The following PDE1C variants were observed in gnomAD, a reference collection of about 807,000 sequenced individuals.
PDE1C encodes the protein dual specificity calcium/calmodulin-dependent 3',5'-cyclic nucleotide phosphodiesterase 1C.
Under a neutral mutation model 93.1 loss-of-function variants are expected in PDE1C, and 62 were observed. That is an observed-to-expected ratio of 0.67 (90% CI 0.54 to 0.82). PDE1C has a LOEUF of 0.82. Among genes scored for constraint, PDE1C ranks in the 40% least tolerant of loss-of-function variants. PDE1C has a pLI of 0.00. For missense variants in PDE1C, 742 were observed against 884.6 expected (o/e 0.84, Z 2.04); for synonymous variants, 325 against 310.1 (o/e 1.05, Z -0.50).
chr7:32,306,804 A>G (rs1019593687), intron 1 of PDE1C, among the ~76,000 whole-genome samples: 10 of 152,326 alleles, frequency 6.6e-5, no homozygotes, highest in South Asian at 4.1e-4. Flanking sequence ...GGAAGCATAA[A>G]ACACATACAA....
chr7:31,806,944 C>A (rs534479848), intron 16 of PDE1C, among the ~76,000 whole-genome samples: 1 of 151,650 alleles, frequency 6.6e-6, no homozygotes, highest in African/African-American at 2.4e-5. Flanking sequence ...TACATATTTC[C>A]TTTTTAAATT....
intron 16 of PDE1C, among the ~76,000 whole-genome samples, chr7:31,796,303 ATGTG>A (rs1279378936): frequency 1.1e-4 from 16 of 151,530 alleles, no homozygotes; most frequent in Non-Finnish European, 1.9e-4. Context: ...GTACATATAT[ATGTG>A]TATGTGTACA....
chr7:31,620,857 G>GA, the PDE1C span, among the ~76,000 whole-genome samples: 1 of 152,008 alleles, frequency 6.6e-6, no homozygotes, highest in Non-Finnish European at 1.5e-5. Context: ...TAAAAACTTT[G>GA]AAAAAAATTT....
At chr7:32,322,526 C>T (rs150106943) in intron 1 of PDE1C, among the ~76,000 whole-genome samples, 6 of 152,276 alleles carry the variant, frequency 3.9e-5, no homozygotes, top group African/African-American at 7.2e-5. Context: ...ATCACTTGAG[C>T]CCAGGAGTTC....
At chr7:32,058,504 TTTTCAC>T (rs1794395054) in intron 1 of PDE1C, among the ~76,000 whole-genome samples, 1 of 152,148 alleles carries the variant, frequency 6.6e-6, no homozygotes, top group African/African-American at 2.4e-5. Context: ...CTGGTTTTGT[TTTTCAC>T]TGGCATGCAG....
chr7:32,309,841 C>A (rs1159104585), intron 1 of PDE1C, among the ~76,000 whole-genome samples: 3 of 152,192 alleles, frequency 2.0e-5, no homozygotes, highest in African/African-American at 7.2e-5. Context: ...ACTGGATCAA[C>A]TAACAAGCAA....
chr7:31,954,278 C>T (rs780411830), intron 2 of PDE1C, among the ~76,000 whole-genome samples: 1 of 152,164 alleles, frequency 6.6e-6, no homozygotes, highest in Non-Finnish European at 1.5e-5. Flanking sequence ...ATCCCATTCC[C>T]CGGCAGAAGG....
intron 11 of PDE1C, among the ~76,000 whole-genome samples, chr7:31,828,729 CTGTGGCCAT>C (rs1790004294): frequency 1.3e-5 from 2 of 152,272 alleles, no homozygotes; most frequent in South Asian, 4.1e-4. Context: ...CTGGGTCAAC[CTGTGGCCAT>C]TGTTTAGCTA....
At chr7:31,728,355 T>C in the PDE1C span, among the ~76,000 whole-genome samples, 2 of 152,182 alleles carry the variant, frequency 1.3e-5, no homozygotes. Flanking sequence ...ACCAGGCCCA[T>C]AAGGTGCAAC....
intron 2 of PDE1C, among the ~76,000 whole-genome samples, chr7:32,013,829 T>C (rs1186861646): frequency 6.6e-6 from 1 of 152,242 alleles, no homozygotes; most frequent in Non-Finnish European, 1.5e-5. Flanking sequence ...TTATTATTTA[T>C]TCTTAATTAG....
At chr7:32,399,050 A>G (rs1784893678) in intron 1 of PDE1C, among the ~76,000 whole-genome samples, 1 of 152,158 alleles carries the variant, frequency 6.6e-6, no homozygotes, top group Admixed American at 6.5e-5. Context: ...TTTCCACGGT[A>G]TTCAGTATAT....
intron 11 of PDE1C, among the ~76,000 whole-genome samples, chr7:31,836,223 G>C (rs533169424): frequency 6.6e-6 from 1 of 152,284 alleles, no homozygotes; most frequent in East Asian, 1.9e-4. Context: ...ACATGTGCCT[G>C]AGTTGGAAAG....
intron 1 of PDE1C, among the ~76,000 whole-genome samples, chr7:32,294,878 A>G (rs1272364013): frequency 2.0e-5 from 3 of 152,238 alleles, no homozygotes; most frequent in Non-Finnish European, 4.4e-5. Context: ...TGCCGCAATC[A>G]TAATAAGTTC....
the PDE1C span, among the ~76,000 whole-genome samples, chr7:31,723,746 G>A: frequency 2.0e-5 from 3 of 152,064 alleles, no homozygotes; most frequent in East Asian, 1.9e-4. Flanking sequence ...TATTCATATC[G>A]GATAATAGGG....
At chr7:32,142,515 C>A (rs1800599768) in intron 3 of PDE1C, among the ~76,000 whole-genome samples, 1 of 152,158 alleles carries the variant, frequency 6.6e-6, no homozygotes, top group Non-Finnish European at 1.5e-5. Flanking sequence ...CCAGGGCCCA[C>A]AGAAAAACTG....
At chr7:32,123,279 A>T (rs1461097083) in intron 3 of PDE1C, among the ~76,000 whole-genome samples, 1 of 152,186 alleles carries the variant, frequency 6.6e-6, no homozygotes, top group Non-Finnish European at 1.5e-5. Context: ...ATTCTAGCAG[A>T]GGTACAAAAA....
At chr7:32,299,184 A>G (rs1812816428) in exon 1 of PDE1C, 1 of 995,654 alleles carries the variant, frequency 1.0e-6, no homozygotes, top group South Asian at 4.6e-5. Flanking sequence ...TTGGGGACCC[A>G]AGGGAATGGC....
In PDE1C at chr7:32,206,157, G is replaced by A. The variant is rs73689076; in HGVS notation, c.136+3332C>T. ...CCGGCTTGACCCCCAGAGCTTACAT[G>A]GTGGCTGCTGGGGACTCTCCCACTA... is the stretch of plus-strand genomic sequence containing the variant. On this transcript the variant is annotated intron_variant, in intron 2 of 18. Transcript: ENST00000396193. 1.7e-3 allele frequency among the ~76,000 whole-genome samples: 265 copies of A among 152,216 alleles called. 1 individual carries two copies. Among genetic ancestry groups the A allele is most frequent in the African/African-American group, 6.2e-3 (256 of 41,536 alleles).
At chr7:31,860,605 A>G (rs1794581916) in intron 7 of PDE1C, among the ~76,000 whole-genome samples, 2 of 152,254 alleles carry the variant, frequency 1.3e-5, no homozygotes, top group South Asian at 4.1e-4. Flanking sequence ...ATTCATTTAT[A>G]CAATCTGGAT....
Sources: gnomAD v4.1 joint callset for allele counts (sites outside exome capture counted in the v4.1 genomes callset) on GRCh38, gnomAD v4.1.1 for gene constraint, MANE v1.5 for transcripts, NCBI Gene and HGNC (gene_info 2026-07-23, HGNC 2026-07-21) for gene names.